The following GCNT2 variants were observed in gnomAD, a reference collection of about 807,000 sequenced individuals.
GCNT2 encodes N-acetyllactosaminide beta-1,6-N-acetylglucosaminyl-transferase.
GCNT2 carries 34 observed loss-of-function variants against 34.2 expected under a neutral mutation model. The observed-to-expected ratio is 1.00, with a 90% CI of 0.76 to 1.32. The LOEUF (loss-of-function observed/expected upper bound fraction) is 1.32. GCNT2 is among the 40% of genes most tolerant of loss of function. The probability of loss-of-function intolerance (pLI) is 0.00; values close to 1 mark genes in which losing one functional copy is unlikely to be tolerated. For missense variants in GCNT2, 584 were observed against 489.4 expected (o/e 1.19, Z -1.82); for synonymous variants, 212 against 188.0 (o/e 1.13, Z -1.04).
intron 3 of GCNT2, among the ~76,000 whole-genome samples, chr6:10,578,547 T>C (rs10434842): frequency 0.63 from 92,829 of 148,080 alleles, 29,273 homozygotes; most frequent in Middle Eastern, 0.72. Flanking sequence ...CCTGGGTTCA[T>C]GCCATTCTCC....
At chr6:10,596,787 G>C (rs890924288) in intron 3 of GCNT2, among the ~76,000 whole-genome samples, 1 of 150,570 alleles carries the variant, frequency 6.6e-6, no homozygotes, top group South Asian at 2.1e-4. Context: ...GAATTGACAC[G>C]ATGATATTTT....
At chr6:10,588,669 G>GT (rs1316859307) in intron 3 of GCNT2, among the ~76,000 whole-genome samples, 4 of 152,188 alleles carry the variant, frequency 2.6e-5, no homozygotes, top group African/African-American at 9.7e-5. Flanking sequence ...GTGGAAGGAA[G>GT]TTTCACCTGA....
rs767024476 is a variant in GCNT2 at position 10,529,328 on chromosome 6, A to G, written c.417A>G (p.Ala139=). ...AGGCGACGGATGCCTTTAAAGGTGC[A>G]GTGAAACAGTTACTCAGCTGCTTCC... The part of the protein sequence containing the change: ...DQKATDAFKG[A]VKQLLSCFPN... The change falls in exon 3 of 5, where the codon GCA becomes GCG. Residue 139 remains alanine, a synonymous_variant. Coordinates refer to ENST00000495262, the MANE Select transcript of GCNT2 (RefSeq NM_145649.5). 6.2e-7 allele frequency: 1 copy of G among 1,614,150 alleles called. No individual in the cohort carries two copies. The highest frequency in any genetic ancestry group is 8.5e-7 in the Non-Finnish European group (1 of 1,180,020).
chr6:10,568,617 A>G (rs1389590518), intron 3 of GCNT2, among the ~76,000 whole-genome samples: 6 of 152,216 alleles, frequency 3.9e-5, no homozygotes, highest in African/African-American at 1.4e-4. Flanking sequence ...GTGAGTGTCA[A>G]CAACTTATTG....
intron 3 of GCNT2, among the ~76,000 whole-genome samples, chr6:10,592,308 A>G (rs904531140): frequency 7.2e-5 from 11 of 152,224 alleles, no homozygotes; most frequent in Admixed American, 2.6e-4. Flanking sequence ...ATAATAAATG[A>G]GAACATGATT....
intron 3 of GCNT2, among the ~76,000 whole-genome samples, chr6:10,562,794 C>G (rs1274351134): frequency 6.6e-6 from 1 of 151,938 alleles, no homozygotes; most frequent in Admixed American, 6.6e-5. Context: ...TGGGGACAGG[C>G]TTTGGTGGAG....
chr6:10,597,073 G>A (rs542761852), intron 3 of GCNT2, among the ~76,000 whole-genome samples: 1 of 151,706 alleles, frequency 6.6e-6, no homozygotes, highest in African/African-American at 2.4e-5. Context: ...TAACCAAACT[G>A]AGCCTCAGTT....
At chr6:10,551,839 CCT>C (rs956966461) in intron 3 of GCNT2, among the ~76,000 whole-genome samples, 4 of 152,018 alleles carry the variant, frequency 2.6e-5, no homozygotes, top group African/African-American at 9.7e-5. Context: ...CTCACTGCAA[CCT>C]CTGTCTCCCA....
chr6:10,531,575 T>C (rs1761490833), intron 3 of GCNT2, among the ~76,000 whole-genome samples: 1 of 152,220 alleles, frequency 6.6e-6, no homozygotes, highest in Non-Finnish European at 1.5e-5. Flanking sequence ...GTTTTAGATA[T>C]TGGCATACAA....
Position 10,528,819 on chromosome 6 carries a change from T to C in GCNT2, c.-93T>C. 1 of 1,023,976 alleles carries C rather than the reference T, an allele frequency of 9.8e-7. No individual in the cohort carries two copies. Among genetic ancestry groups the C allele is most frequent in the Non-Finnish European group, 1.5e-6 (1 of 650,106 alleles). The allele number at this position is 1,023,976 out of a possible 1,614,324, so 63.4% of individuals were successfully genotyped here. A position where few individuals can be genotyped will look rare whatever the true frequency, so the allele number is the denominator to read the frequency against. ...ACGAGAGCTTCAGCCATCACGAGGA[T>C]GATTTCGGAACCTGGAGAAAATGTA... On this transcript the variant is annotated 5_prime_UTR_variant, in exon 3 of 5. It removes an upstream start codon present in the reference 5' UTR. Coordinates refer to ENST00000495262, the MANE Select transcript of GCNT2 (RefSeq NM_145649.5).
At chr6:10,603,817 CTTTTTTTT>C (rs571206713) in intron 3 of GCNT2, among the ~76,000 whole-genome samples, 1 of 114,742 alleles carries the variant, frequency 8.7e-6, no homozygotes. Flanking sequence ...GCCTGACAGT[CTTTTTTTT>C]TTTTTTTTTT....
At chr6:10,599,097 T>G (rs940706058) in intron 3 of GCNT2, among the ~76,000 whole-genome samples, 1 of 152,120 alleles carries the variant, frequency 6.6e-6, no homozygotes, top group Non-Finnish European at 1.5e-5. Flanking sequence ...GTCTGGAAGA[T>G]TTTCTGAAAC....
Position 10,628,015 on chromosome 6 carries a change from G to A in GCNT2, c.*1408G>A, listed in dbSNP as rs1766341879. ...CTCCCATTTTGCAGATGAAGTAACT[G>A]AGGCTTAGAAAGGTTAATAGCACCG... On this transcript the variant is annotated 3_prime_UTR_variant, in exon 5 of 5. Transcript: ENST00000495262. The A allele has an allele frequency of 6.6e-6, 1 of 152,590 alleles. No individual in the cohort carries two copies. The highest frequency in any genetic ancestry group is 2.1e-4 in the South Asian group (1 of 4,824). 9.5% of individuals were successfully genotyped at this position (152,590 alleles called of 1,614,324 possible). A position where few individuals can be genotyped will look rare whatever the true frequency, so the allele number is the denominator to read the frequency against.
chr6:10,540,534 G>A (rs1056323214), intron 3 of GCNT2, among the ~76,000 whole-genome samples: 7 of 60,766 alleles, frequency 1.2e-4, no homozygotes, highest in Non-Finnish European at 1.8e-4. Flanking sequence ...TTCCCTCTAT[G>A]CCCGGGCCCT....
chr6:10,573,536 T>C (rs923144138), intron 3 of GCNT2, among the ~76,000 whole-genome samples: 11 of 152,322 alleles, frequency 7.2e-5, no homozygotes, highest in African/African-American at 2.6e-4. Context: ...CATAGCAAGC[T>C]TCTTCGATTT....
intron 3 of GCNT2, chr6:10,619,504 A>C (rs1427249313): frequency 6.6e-6 from 1 of 152,172 alleles, no homozygotes; most frequent in Non-Finnish European, 1.5e-5. Flanking sequence ...TGGGAGTCAC[A>C]AAGCCTGCCT....
intron 3 of GCNT2, among the ~76,000 whole-genome samples, chr6:10,605,708 A>G (rs1399698114): frequency 2.6e-5 from 4 of 152,106 alleles, no homozygotes; most frequent in Non-Finnish European, 4.4e-5. Context: ...GGAATTTACT[A>G]GTTTGTTGAC....
chr6:10,589,102 AGTGTGT>A (rs143468944), intron 3 of GCNT2, among the ~76,000 whole-genome samples: 1 of 103,846 alleles, frequency 9.6e-6, no homozygotes, highest in Non-Finnish European at 1.9e-5. Flanking sequence ...GTGTGTGTGT[AGTGTGT>A]GTGTGGTGTG....
intron 3 of GCNT2, among the ~76,000 whole-genome samples, chr6:10,533,745 G>A (rs1761614318): frequency 1.4e-5 from 2 of 141,230 alleles, no homozygotes; most frequent in South Asian, 2.3e-4. Flanking sequence ...AGGTTGTGGT[G>A]AGTTGAGATC....
Sources: gnomAD v4.1 joint callset for allele counts (sites outside exome capture counted in the v4.1 genomes callset) on GRCh38, gnomAD v4.1.1 for gene constraint, MANE v1.5 for transcripts, NCBI Gene and HGNC (gene_info 2026-07-23, HGNC 2026-07-21) for gene names.